Variants in GLG1 observed in about 807,000 individuals in gnomAD.
The protein encoded by GLG1 is Golgi apparatus protein 1.
A neutral mutation model predicts 160.5 loss-of-function variants in GLG1; 38 were observed. The ratio of observed to expected loss-of-function variants is 0.24; its 90% CI spans 0.18 to 0.31. The LOEUF (loss-of-function observed/expected upper bound fraction) is 0.31, where lower values mean the gene tolerates loss of function less well. Among genes scored for constraint, GLG1 ranks in the 10% least tolerant of loss-of-function variants. GLG1 has a pLI of 1.00. For synonymous variants in GLG1, 644 were observed against 543.4 expected (o/e 1.19, Z -2.57); for missense variants, 1,373 against 1,505.2 (o/e 0.91, Z 1.45).
chr16:74,597,117 TCAAA>T (rs770901754), intron 1 of GLG1, among the ~76,000 whole-genome samples: 2 of 150,274 alleles, frequency 1.3e-5, no homozygotes, highest in Non-Finnish European at 3.0e-5. Flanking sequence ...AGACCTCGTC[TCAAA>T]CAAACAAAAA....
chr16:74,498,650 A>G, intron 4 of GLG1, among the ~76,000 whole-genome samples: 1 of 148,896 alleles, frequency 6.7e-6, no homozygotes, highest in Non-Finnish European at 1.5e-5. Context: ...GGATCATCTG[A>G]GGTCAGGAGT....
chr16:74,475,770 G>C (rs572544743), intron 12 of GLG1, among the ~76,000 whole-genome samples: 1 of 152,316 alleles, frequency 6.6e-6, no homozygotes, highest in South Asian at 2.1e-4. Context: ...GAGGGGAAGA[G>C]AGGAGTTGTA....
At chr16:74,589,965 T>C (rs904953015) in intron 1 of GLG1, among the ~76,000 whole-genome samples, 3 of 148,760 alleles carry the variant, frequency 2.0e-5, no homozygotes, top group South Asian at 2.2e-4. Flanking sequence ...AATAAAAATA[T>C]ACCGATAGTA....
chr16:74,472,758 G>T (rs1281282604), intron 13 of GLG1: 1 of 395,380 alleles, frequency 2.5e-6, no homozygotes, highest in Admixed American at 3.2e-5. Flanking sequence ...TGAAAACAGG[G>T]GTAACTGATA....
chr16:74,600,408 C>A (rs1958413928), intron 1 of GLG1, among the ~76,000 whole-genome samples: 2 of 151,656 alleles, frequency 1.3e-5, no homozygotes, highest in Non-Finnish European at 2.9e-5. Context: ...AAAAAAAGAA[C>A]AAGGACAAAG....
intron 23 of GLG1, 105 bp from the exon 24 acceptor site, chr16:74,458,099 G>T: frequency 8.6e-7 from 1 of 1,164,802 alleles, no homozygotes. Flanking sequence ...GGAAGTTGAG[G>T]GCTAACAACA....
rs1299992622 is a variant in GLG1, at chr16:74,527,162, C to T, written c.471+4959G>A. 2.8e-4 allele frequency among the ~76,000 whole-genome samples: 43 copies of T among 151,720 alleles called. 1 individual carries two copies. Among genetic ancestry groups the T allele is most frequent in the Non-Finnish European group, 1.5e-5 (1 of 67,982 alleles). On this transcript the variant is annotated intron_variant, in intron 2 of 25. Transcript: ENST00000422840. The stretch of plus-strand genomic sequence containing the variant: ...AAATTATATTTTTATTCCTACCCAC[C>T]CTTTGTGCTACTGTTGTCATATATT...
chr16:74,575,771 G>C lies in GLG1; in HGVS notation c.438+30886C>G, dbSNP rs148007313. On this transcript the variant is annotated intron_variant, in intron 1 of 25. Coordinates refer to ENST00000422840, the MANE Select transcript of GLG1 (RefSeq NM_001145667.2). ...ATGCTGTAAATATAGATATCAATGA[G>C]AAAATATTGATTTCATAGAGAAGTG... 6.6e-3 allele frequency among the ~76,000 whole-genome samples: 1,005 copies of C among 152,172 alleles called. 8 individuals are homozygous for C. Among genetic ancestry groups the C allele is most frequent in the Non-Finnish European group, 0.011 (750 of 67,994 alleles).
At chr16:74,513,360 C>CA (rs1343504942) in intron 2 of GLG1, among the ~76,000 whole-genome samples, 21 of 151,994 alleles carry the variant, frequency 1.4e-4, no homozygotes, top group Non-Finnish European at 5.9e-5. Flanking sequence ...AAAATATAGT[C>CA]AGCCTACTGG....
At chr16:74,518,116 C>A (rs1474890801) in intron 2 of GLG1, among the ~76,000 whole-genome samples, 1 of 152,074 alleles carries the variant, frequency 6.6e-6, no homozygotes, top group Non-Finnish European at 1.5e-5. Context: ...TGAAAATGGC[C>A]TTACTACCCA....
intron 2 of GLG1, among the ~76,000 whole-genome samples, chr16:74,510,657 T>C (rs533683991): frequency 1.3e-5 from 2 of 152,294 alleles, no homozygotes; most frequent in South Asian, 4.1e-4. Flanking sequence ...AATATCTGCT[T>C]GGCAATGCGT....
Position 74,452,061 on chromosome 16 carries a change from C to A in GLG1, c.*1106G>T, listed in dbSNP as rs1204298751. The A allele has an allele frequency of 1.2e-6, 2 of 1,610,930 alleles. No homozygotes were observed. Among genetic ancestry groups the A allele is most frequent in the African/African-American group, 2.7e-5 (2 of 74,862 alleles). ...GTCTGGAGTGTGCAGAAAGGTCAGG[C>A]TGGACTGCCTGTCACATCCTGAGAC... On this transcript the variant is annotated 3_prime_UTR_variant, in exon 26 of 26. Coordinates refer to ENST00000422840, the MANE Select transcript of GLG1 (RefSeq NM_001145667.2).
At chr16:74,500,998 C>T (rs2016384203) in intron 4 of GLG1, among the ~76,000 whole-genome samples, 1 of 152,312 alleles carries the variant, frequency 6.6e-6, no homozygotes, top group South Asian at 2.1e-4. Flanking sequence ...ATCCTCTCCT[C>T]GGTCCTCTGG....
At chr16:74,592,344 A>C (rs1215581933) in intron 1 of GLG1, among the ~76,000 whole-genome samples, 1 of 152,020 alleles carries the variant, frequency 6.6e-6, no homozygotes, top group Non-Finnish European at 1.5e-5. Context: ...GGTTTCCCCC[A>C]TGTTGCCCAG....
intron 13 of GLG1, among the ~76,000 whole-genome samples, chr16:74,473,786 G>A (rs778258737): frequency 1.3e-3 from 201 of 152,040 alleles, no homozygotes; most frequent in Non-Finnish European, 1.9e-3. Context: ...GATGGAACAG[G>A]GATAAACATA....
Position 74,482,302 on chromosome 16 carries a change from T to C in GLG1, c.1673+721A>G, listed in dbSNP as rs562522979. ...CCACTGTGCCTGGCCAAAATATATA[T>C]TAATCACCAAAAAAAATTAACTACC... On this transcript the variant is annotated intron_variant, in intron 10 of 25. Transcript: ENST00000422840. Among the ~76,000 whole-genome samples, 39 of 152,172 alleles carry C rather than the reference T, an allele frequency of 2.6e-4. No homozygotes were observed. The South Asian group carries it at 6.6e-3, about 26-fold the overall frequency.
intron 1 of GLG1, among the ~76,000 whole-genome samples, chr16:74,564,799 A>T (rs1490601172): frequency 6.6e-6 from 1 of 152,230 alleles, no homozygotes; most frequent in African/African-American, 2.4e-5. Context: ...ATGCAACATC[A>T]TCAAATTGAA....
rs752590164 is a variant in GLG1, at chr16:74,452,089, C to G, written c.*1078G>C. On this transcript the variant is annotated 3_prime_UTR_variant, in exon 26 of 26. Coordinates refer to ENST00000422840, the MANE Select transcript of GLG1 (RefSeq NM_001145667.2). ...GACTGCCTGTCACATCCTGAGACCACACTAAACCTTTATAAGCCATTGTCT... is the reference window on the plus strand; with the variant it reads ...GACTGCCTGTCACATCCTGAGACCAGACTAAACCTTTATAAGCCATTGTCT... The G allele has an allele frequency of 2.5e-5, 40 of 1,614,088 alleles. No individual in the cohort carries two copies. The East Asian group carries it at 8.7e-4, about 35-fold the overall frequency.
intron 2 of GLG1, among the ~76,000 whole-genome samples, chr16:74,520,123 T>C (rs1337121066): frequency 6.6e-6 from 1 of 152,216 alleles, no homozygotes; most frequent in East Asian, 1.9e-4. Context: ...CTCAAAATGT[T>C]CTGCTGTGTC....
Sources: allele counts gnomAD v4.1 joint callset (sites outside exome capture counted in the v4.1 genomes callset), GRCh38; gene constraint gnomAD v4.1.1; transcripts MANE v1.5; gene names NCBI Gene and HGNC (gene_info 2026-07-23, HGNC 2026-07-21).